NRXN1: variants seen among roughly 807,000 people sequenced by gnomAD.
The protein encoded by NRXN1 is neurexin 1.
A neutral mutation model predicts 150.9 loss-of-function variants in NRXN1; 39 were observed. That is an observed-to-expected ratio of 0.26 (90% confidence interval 0.20 to 0.34). NRXN1 has a LOEUF of 0.34. Among genes scored for constraint, NRXN1 ranks in the 10% least tolerant of loss-of-function variants. The probability of loss-of-function intolerance (pLI) is 1.00; values close to 1 mark genes in which losing one functional copy is unlikely to be tolerated. For missense variants in NRXN1, 1,815 were observed against 1,949.9 expected (o/e 0.93, Z 1.30); for synonymous variants, 924 against 757.0 (o/e 1.22, Z -3.62).
chr2:50,876,022 C>T (rs1425856358), intron 5 of NRXN1, among the ~76,000 whole-genome samples: 1 of 151,852 alleles, frequency 6.6e-6, no homozygotes, highest in East Asian at 2.0e-4. Context: ...AGCCTCACTC[C>T]TGACAGGGAT....
At chr2:50,942,318 TG>T (rs1689585802) in intron 2 of NRXN1, among the ~76,000 whole-genome samples, 1 of 152,150 alleles carries the variant, frequency 6.6e-6, no homozygotes, top group Non-Finnish European at 1.5e-5. Flanking sequence ...AATATGGGGT[TG>T]GAGCCCCCAC....
At chr2:50,098,841 T>TGG (rs1558874543) in intron 18 of NRXN1, among the ~76,000 whole-genome samples, 1 of 8,036 alleles carries the variant, frequency 1.2e-4, no homozygotes, top group African/African-American at 9.3e-4. Flanking sequence ...TTTTTTTTTT[T>TGG]TTTTTTTTTT....
chr2:50,950,280 G>C (rs1311637466), intron 2 of NRXN1, among the ~76,000 whole-genome samples: 1 of 152,070 alleles, frequency 6.6e-6, no homozygotes, highest in Non-Finnish European at 1.5e-5. Flanking sequence ...GAAATGTGTG[G>C]ACTTTGGAGA....
chr2:50,079,999 T>C (rs1192771380), intron 19 of NRXN1, among the ~76,000 whole-genome samples: 1 of 152,104 alleles, frequency 6.6e-6, no homozygotes, highest in African/African-American at 2.4e-5. Flanking sequence ...GCAATTTAAA[T>C]AATAAAGTTT....
At chr2:50,915,421 A>T (rs1226844612) in intron 5 of NRXN1, among the ~76,000 whole-genome samples, 1 of 151,666 alleles carries the variant, frequency 6.6e-6, no homozygotes, top group Non-Finnish European at 1.5e-5. Context: ...TCTGAAAACC[A>T]GCATTTTACC....
chr2:50,432,996 T>C (rs1008598030), intron 17 of NRXN1, among the ~76,000 whole-genome samples: 6 of 152,176 alleles, frequency 3.9e-5, no homozygotes, highest in African/African-American at 1.4e-4. Flanking sequence ...AAATGGCTCA[T>C]TGACATGGAA....
chr2:50,036,421 G>T (rs994339000), intron 21 of NRXN1, among the ~76,000 whole-genome samples: 20 of 152,196 alleles, frequency 1.3e-4, no homozygotes, highest in African/African-American at 4.1e-4. Context: ...CCTGTCTCAA[G>T]CAGTGCTTTA....
At chr2:50,900,313 A>G (rs1207537148) in intron 5 of NRXN1, among the ~76,000 whole-genome samples, 1 of 152,116 alleles carries the variant, frequency 6.6e-6, no homozygotes, top group African/African-American at 2.4e-5. Context: ...ATCACATTAC[A>G]CTTCAACTCT....
chr2:50,071,363 G>C (rs1381801420), intron 19 of NRXN1, among the ~76,000 whole-genome samples: 1 of 152,160 alleles, frequency 6.6e-6, no homozygotes, highest in Non-Finnish European at 1.5e-5. Context: ...TAACCCCTAA[G>C]ACCTCAGAAT....
At chr2:50,893,948 C>T (rs976806026) in intron 5 of NRXN1, among the ~76,000 whole-genome samples, 2 of 152,060 alleles carry the variant, frequency 1.3e-5, no homozygotes, top group Non-Finnish European at 2.9e-5. Context: ...TTTTTCATGG[C>T]TGCATAGTAT....
intron 5 of NRXN1, among the ~76,000 whole-genome samples, chr2:50,842,262 C>A (rs1411190610): frequency 6.6e-6 from 1 of 152,118 alleles, no homozygotes; most frequent in Non-Finnish European, 1.5e-5. Context: ...TGATTTAGAT[C>A]ACAGATATGT....
At chr2:50,570,781 C>T (rs1460123533) in intron 8 of NRXN1, among the ~76,000 whole-genome samples, 3 of 152,014 alleles carry the variant, frequency 2.0e-5, no homozygotes, top group Non-Finnish European at 4.4e-5. Context: ...AATCCTGAGT[C>T]TTGTTAAAAT....
At chr2:50,839,373 G>A (rs1212926472) in intron 5 of NRXN1, among the ~76,000 whole-genome samples, 2 of 152,062 alleles carry the variant, frequency 1.3e-5, no homozygotes, top group Admixed American at 6.6e-5. Flanking sequence ...AAAGGAAAGT[G>A]TCATAAAATA....
At chr2:49,937,630 G>T (rs1359384609) in intron 22 of NRXN1, among the ~76,000 whole-genome samples, 1 of 152,144 alleles carries the variant, frequency 6.6e-6, no homozygotes, top group Non-Finnish European at 1.5e-5. Context: ...GCACCTGAAT[G>T]ATGAGCTGGG....
In NRXN1 at chr2:50,346,806, C is replaced by T. The variant is rs747566761; in HGVS notation, c.3365-109836G>A. 4 of 1,613,266 alleles carry T rather than the reference C, an allele frequency of 2.5e-6. No individual in the cohort carries two copies. The highest frequency in any genetic ancestry group is 2.2e-5 in the South Asian group (2 of 91,074). ...GCGCTCCCAAACTGGATGCCCCCCA[C>T]GCCACTCCTAGGAGGCCGCTGAGGG... On this transcript the variant is annotated intron_variant, in intron 17 of 22. Coordinates refer to ENST00000401669, the MANE Select transcript of NRXN1 (RefSeq NM_001330078.2). The surrounding 1 kb of genome is among the most constrained non-coding windows in gnomAD (Gnocchi z 5.0).
chr2:50,969,816 A>C (rs1575086221), intron 2 of NRXN1, among the ~76,000 whole-genome samples: 1 of 152,206 alleles, frequency 6.6e-6, no homozygotes, highest in East Asian at 1.9e-4. Flanking sequence ...AAGTTGATTA[A>C]TTGGAGAAAA....
intron 5 of NRXN1, among the ~76,000 whole-genome samples, chr2:50,633,989 G>T (rs1559051734): frequency 6.6e-6 from 1 of 152,158 alleles, no homozygotes; most frequent in African/African-American, 2.4e-5. Context: ...CTTGTGGGAA[G>T]ATCTGGACAA....
At chr2:50,418,327 T>C (rs1362667970) in intron 17 of NRXN1, among the ~76,000 whole-genome samples, 2 of 152,006 alleles carry the variant, frequency 1.3e-5, no homozygotes, top group Non-Finnish European at 2.9e-5. Context: ...CAAGTATAAA[T>C]GTGGTTCAGA....
chr2:50,455,869 C>T (rs1200221614), intron 17 of NRXN1, among the ~76,000 whole-genome samples: 2 of 152,290 alleles, frequency 1.3e-5, no homozygotes, highest in East Asian at 1.9e-4. Context: ...CTTGGAGAAG[C>T]TTTGCAAGCA....
Sources: gnomAD v4.1 joint callset for allele counts (sites outside exome capture counted in the v4.1 genomes callset) on GRCh38, gnomAD v4.1.1 for gene constraint, Gnocchi (gnomAD v3.1) non-coding constraint, MANE v1.5 for transcripts, NCBI Gene and HGNC (gene_info 2026-07-23, HGNC 2026-07-21) for gene names.